EYS: variants seen among roughly 807,000 people sequenced by gnomAD.
The protein encoded by EYS is protein eyes shut homolog.
A neutral mutation model predicts 282.1 loss-of-function variants in EYS; 250 were observed. The ratio of observed to expected loss-of-function variants is 0.89; its 90% CI spans 0.80 to 0.98. EYS has a LOEUF of 0.98. Ranked by LOEUF, EYS falls within the 50% of genes least tolerant of loss-of-function variation. The pLI is 0.00. For synonymous variants in EYS, 1,355 were observed against 1,282.9 expected, an observed-to-expected ratio of 1.06 and a Z score of -1.20; for missense variants, 4,016 against 3,709.0, an observed-to-expected ratio of 1.08 and a Z score of -2.15.
chr6:64,430,083 C>T (rs1774529104), intron 28 of EYS, among the ~76,000 whole-genome samples: 2 of 152,114 alleles, frequency 1.3e-5, no homozygotes, highest in Admixed American at 6.6e-5. Context: ...AAAGTATTCC[C>T]GCTCTAATTG....
At chr6:65,407,766 TG>T in intron 5 of EYS, among the ~76,000 whole-genome samples, 1 of 151,148 alleles carries the variant, frequency 6.6e-6, no homozygotes, top group East Asian at 1.9e-4. Flanking sequence ...TGTGTGTGTG[TG>T]TGTGTGTGTG....
intron 18 of EYS, among the ~76,000 whole-genome samples, chr6:64,901,578 G>T (rs79725443): frequency 0.021 from 3,208 of 151,940 alleles, 115 homozygotes; most frequent in African/African-American, 0.074. Flanking sequence ...TTACCCAATG[G>T]TTCAACAATT....
intron 29 of EYS, among the ~76,000 whole-genome samples, chr6:64,360,741 G>C (rs1771976387): frequency 6.6e-6 from 1 of 151,640 alleles, no homozygotes; most frequent in African/African-American, 2.4e-5. Flanking sequence ...TATGCAGTTG[G>C]GCCTGCTGAA....
chr6:65,586,863 T>C (rs144618876), intron 2 of EYS, among the ~76,000 whole-genome samples: 152 of 152,214 alleles, frequency 1.0e-3, no homozygotes, highest in African/African-American at 3.6e-3. Flanking sequence ...TAACTAGATG[T>C]ATTTTTTCTG....
chr6:63,925,275 G>A (rs548942536), intron 35 of EYS, among the ~76,000 whole-genome samples: 1 of 152,202 alleles, frequency 6.6e-6, no homozygotes, highest in African/African-American at 2.4e-5. Context: ...TAATTTACTG[G>A]TATTCTTCAG....
chr6:64,568,748 C>CG (rs1220463275), intron 26 of EYS, among the ~76,000 whole-genome samples: 2 of 152,042 alleles, frequency 1.3e-5, no homozygotes, highest in East Asian at 3.9e-4. Context: ...TGGCATCTGG[C>CG]GGGTGCCTCT....
intron 22 of EYS, among the ~76,000 whole-genome samples, chr6:64,785,911 GT>G (rs1274628741): frequency 6.6e-6 from 1 of 152,196 alleles, no homozygotes; most frequent in African/African-American, 2.4e-5. Context: ...CAAAATGTCA[GT>G]AAATACTTCT....
chr6:64,197,633 T>A (rs1341100402), intron 31 of EYS, among the ~76,000 whole-genome samples: 1 of 152,030 alleles, frequency 6.6e-6, no homozygotes, highest in Non-Finnish European at 1.5e-5. Context: ...CTTGCTGCTA[T>A]TTTTTTATTT....
At chr6:64,589,986 C>T (rs186326077) in intron 26 of EYS, among the ~76,000 whole-genome samples, 3 of 152,202 alleles carry the variant, frequency 2.0e-5, no homozygotes, top group African/African-American at 4.8e-5. Context: ...GATTGCTTGA[C>T]AGCAGTATAG....
At chr6:65,240,035 C>A (rs1767019011) in intron 12 of EYS, among the ~76,000 whole-genome samples, 1 of 151,136 alleles carries the variant, frequency 6.6e-6, no homozygotes, top group Non-Finnish European at 1.5e-5. Flanking sequence ...GTGGTGCCAT[C>A]TCAGCTCACT....
chr6:64,529,548 A>T (rs1764254253), intron 26 of EYS, among the ~76,000 whole-genome samples: 1 of 151,998 alleles, frequency 6.6e-6, no homozygotes, highest in African/African-American at 2.4e-5. Flanking sequence ...ACTGAAGTCT[A>T]GTTCAACATT....
intron 26 of EYS, among the ~76,000 whole-genome samples, chr6:64,573,679 T>A (rs1258844102): frequency 6.6e-6 from 1 of 151,052 alleles, no homozygotes; most frequent in East Asian, 2.0e-4. Flanking sequence ...AAAAAAAAGC[T>A]CATCATCAGT....
chr6:64,214,355 T>C (rs1765867159), intron 31 of EYS, among the ~76,000 whole-genome samples: 1 of 152,136 alleles, frequency 6.6e-6, no homozygotes, highest in Admixed American at 6.6e-5. Flanking sequence ...ACAACAGATA[T>C]GACTTTTAGA....
chr6:64,518,290 C>A (rs1777623049), intron 26 of EYS, among the ~76,000 whole-genome samples: 1 of 151,676 alleles, frequency 6.6e-6, no homozygotes, highest in African/African-American at 2.4e-5. Context: ...CTAATAAAAC[C>A]TTCAGACTAG....
intron 12 of EYS, among the ~76,000 whole-genome samples, chr6:65,087,125 G>A (rs762711121): frequency 3.3e-5 from 5 of 152,022 alleles, no homozygotes; most frequent in Non-Finnish European, 7.4e-5. Flanking sequence ...CCAGCCATAT[G>A]TGTTATTTTT....
At chr6:63,952,701 C>G (rs1765651684) in intron 35 of EYS, among the ~76,000 whole-genome samples, 1 of 152,184 alleles carries the variant, frequency 6.6e-6, no homozygotes, top group African/African-American at 2.4e-5. Flanking sequence ...AGCCACACCT[C>G]ATTGCTGCCC....
At chr6:65,222,154 T>G (rs750049633) in intron 12 of EYS, among the ~76,000 whole-genome samples, 3 of 152,178 alleles carry the variant, frequency 2.0e-5, no homozygotes, top group Non-Finnish European at 4.4e-5. Context: ...TAAAATGAAT[T>G]AAGACTTTGG....
At chr6:64,079,713 C>G (rs984504533) in intron 32 of EYS, among the ~76,000 whole-genome samples, 2 of 152,040 alleles carry the variant, frequency 1.3e-5, no homozygotes, top group South Asian at 4.1e-4. Context: ...CTAATGCTAT[C>G]GCTCCCCGCT....
At chr6:63,804,438 A>G (rs970629116) in intron 37 of EYS, among the ~76,000 whole-genome samples, 1 of 152,238 alleles carries the variant, frequency 6.6e-6, no homozygotes, top group Non-Finnish European at 1.5e-5. Context: ...CAAAGACATT[A>G]AGTAACTTGA....
Sources: allele counts gnomAD v4.1 joint callset (sites outside exome capture counted in the v4.1 genomes callset), GRCh38; gene constraint gnomAD v4.1.1; transcripts MANE v1.5; gene names NCBI Gene and HGNC (gene_info 2026-07-23, HGNC 2026-07-21).